CSMD3: variants seen among roughly 807,000 people sequenced by gnomAD.
The protein encoded by CSMD3 is CUB and Sushi multiple domains 3, also known as CUB and sushi domain-containing protein 3.
A neutral mutation model predicts 435.2 loss-of-function variants in CSMD3; 177 were observed. That is an observed-to-expected ratio of 0.41 (90% CI 0.36 to 0.46). CSMD3 has a LOEUF of 0.46. Ranked by LOEUF, CSMD3 falls within the 20% of genes least tolerant of loss-of-function variation. The pLI is 0.34. For synonymous variants in CSMD3, 1,656 were observed against 1,520.5 expected (o/e 1.09, Z -2.07); for missense variants, 4,265 against 4,504.6 (o/e 0.95, Z 1.52).
intron 13 of CSMD3, among the ~76,000 whole-genome samples, chr8:112,766,479 A>C (rs1009257395): frequency 2.0e-5 from 3 of 151,934 alleles, no homozygotes; most frequent in Non-Finnish European, 4.4e-5. Flanking sequence ...TAATGAAAAA[A>C]TACATATATT....
At chr8:112,961,364 T>C (rs1459864272) in intron 7 of CSMD3, among the ~76,000 whole-genome samples, 1 of 151,804 alleles carries the variant, frequency 6.6e-6, no homozygotes, top group Non-Finnish European at 1.5e-5. Context: ...AAATGGAAAA[T>C]TTAGTAGAAA....
chr8:112,990,327 C>A (rs560439411), intron 6 of CSMD3, among the ~76,000 whole-genome samples: 6 of 151,786 alleles, frequency 4.0e-5, no homozygotes, highest in Admixed American at 1.3e-4. Flanking sequence ...ACTACACATG[C>A]GAGCAAAAAA....
intron 23 of CSMD3, among the ~76,000 whole-genome samples, chr8:112,574,290 T>G (rs1829769682): frequency 6.6e-6 from 1 of 152,014 alleles, no homozygotes; most frequent in South Asian, 2.1e-4. Context: ...CTTTTATCAT[T>G]ATAGACATCT....
chr8:112,487,056 T>A (rs1462126479), intron 31 of CSMD3, among the ~76,000 whole-genome samples: 1 of 152,336 alleles, frequency 6.6e-6, no homozygotes, highest in African/African-American at 2.4e-5. Context: ...GGATGCTCAC[T>A]GTACGTTGTA....
chr8:112,915,406 G>C (rs1478212701), intron 10 of CSMD3, among the ~76,000 whole-genome samples: 1 of 151,540 alleles, frequency 6.6e-6, no homozygotes, highest in Admixed American at 6.6e-5. Flanking sequence ...AAGTTAAAGA[G>C]TTGTTTTCTT....
intron 10 of CSMD3, among the ~76,000 whole-genome samples, chr8:112,914,810 C>A (rs922184356): frequency 2.6e-5 from 4 of 151,766 alleles, no homozygotes; most frequent in African/African-American, 9.7e-5. Flanking sequence ...CTAAAGGTTA[C>A]AGTGTGATCA....
chr8:113,073,032 GA>G (rs56882045), intron 5 of CSMD3, among the ~76,000 whole-genome samples: 6 of 149,808 alleles, frequency 4.0e-5, no homozygotes, highest in South Asian at 4.2e-4. Context: ...AAAACCTTCA[GA>G]AAAAAAAATG....
At chr8:112,341,454 T>C (rs1174876197) in intron 42 of CSMD3, 23 bp downstream of exon 42, 2 of 1,473,282 alleles carry the variant, frequency 1.4e-6, no homozygotes, top group South Asian at 1.1e-5. Flanking sequence ...ATATAAATTT[T>C]CATTTTTTAT....
intron 24 of CSMD3, among the ~76,000 whole-genome samples, chr8:112,566,722 TTCTTC>T (rs1829091357): frequency 2.0e-5 from 3 of 152,140 alleles, no homozygotes; most frequent in Non-Finnish European, 4.4e-5. Flanking sequence ...TGGTGGCTCC[TTCTTC>T]TCTTCTCTTT....
intron 1 of CSMD3, among the ~76,000 whole-genome samples, chr8:113,360,803 G>C (rs1376282442): frequency 6.6e-6 from 1 of 151,842 alleles, no homozygotes; most frequent in Non-Finnish European, 1.5e-5. Context: ...TCGATCTCCT[G>C]ACCTCGTGAT....
At chr8:113,390,032 T>C (rs16884600) in intron 1 of CSMD3, among the ~76,000 whole-genome samples, 38,168 of 151,692 alleles carry the variant, frequency 0.25, 5,539 homozygotes, top group East Asian at 0.46. Context: ...GTGTGTATTA[T>C]TGCCCAGGTT....
chr8:112,671,708 T>C (rs953491440), intron 16 of CSMD3, among the ~76,000 whole-genome samples: 3 of 152,090 alleles, frequency 2.0e-5, no homozygotes, highest in African/African-American at 7.2e-5. Context: ...AGACTCAAAT[T>C]CAAATTGTTA....
chr8:112,917,547 A>G (rs1290723042), intron 10 of CSMD3, among the ~76,000 whole-genome samples: 1 of 151,948 alleles, frequency 6.6e-6, no homozygotes, highest in Non-Finnish European at 1.5e-5. Flanking sequence ...GTGATTTTGG[A>G]AATCAAAAGA....
chr8:112,909,021 T>C lies in CSMD3; in HGVS notation c.1633+12606A>G, dbSNP rs116120820. Among the ~76,000 whole-genome samples, 438 of 151,682 alleles carry C rather than the reference T, an allele frequency of 2.9e-3. 4 individuals carry two copies. The highest frequency in any genetic ancestry group is 1.0e-2 in the African/African-American group (414 of 41,480). On this transcript the variant is annotated intron_variant, in intron 10 of 70. Coordinates refer to ENST00000297405, the MANE Select transcript of CSMD3 (RefSeq NM_198123.2). ...TTATGTTTTTTATATCTAAAGGTTT[T>C]CTTGTCTTTTTTTTTCCCTCAGAAT... is the stretch of plus-strand genomic sequence containing the variant.
intron 17 of CSMD3, among the ~76,000 whole-genome samples, chr8:112,662,474 A>C (rs1284051217): frequency 4.0e-5 from 6 of 151,414 alleles, no homozygotes; most frequent in Non-Finnish European, 7.4e-5. Context: ...AGCCATATGT[A>C]GAAAGCTGAA....
chr8:112,267,804 G>A lies in CSMD3; in HGVS notation c.9509-2214C>T, dbSNP rs912930507. ...TGCGTGACAACAAAAGCTTTAGAAG[G>A]GTTTGTTTGGTGACTTCCTAATGAA... On this transcript the variant is annotated intron_variant, in intron 59 of 70. Coordinates refer to ENST00000297405, the MANE Select transcript of CSMD3 (RefSeq NM_198123.2). 3.3e-5 allele frequency among the ~76,000 whole-genome samples: 5 copies of A among 152,122 alleles called. No individual in the cohort carries two copies. The South Asian group carries it at 1.0e-3, about 32-fold the overall frequency.
intron 32 of CSMD3, among the ~76,000 whole-genome samples, chr8:112,438,572 A>G (rs1056030461): frequency 1.3e-5 from 2 of 152,176 alleles, no homozygotes; most frequent in Non-Finnish European, 2.9e-5. Flanking sequence ...GCAGAGCAAT[A>G]GTTACTTTAA....
At chr8:113,310,145 T>TA (rs1420606030) in intron 2 of CSMD3, 3 of 152,094 alleles carry the variant, frequency 2.0e-5, no homozygotes, top group African/African-American at 7.2e-5. Context: ...TCAAGTCTTT[T>TA]AAAAAATAAC....
chr8:113,065,553 A>AT (rs570348184), intron 5 of CSMD3, among the ~76,000 whole-genome samples: 100 of 151,616 alleles, frequency 6.6e-4, no homozygotes, highest in Non-Finnish European at 1.2e-3. Context: ...CGCCTGGCTA[A>AT]TTTTTTTTGT....
Sources: gnomAD v4.1 joint callset for allele counts (sites outside exome capture counted in the v4.1 genomes callset) on GRCh38, gnomAD v4.1.1 for gene constraint, MANE v1.5 for transcripts, NCBI Gene and HGNC (gene_info 2026-07-23, HGNC 2026-07-21) for gene names.